The following CEP128 variants were observed in gnomAD, a reference collection of about 807,000 sequenced individuals.
CEP128 encodes centrosomal protein 128.
In CEP128, 132 loss-of-function variants were observed where a neutral mutation model predicts 156.7. The observed-to-expected ratio is 0.84, with a 90% confidence interval of 0.73 to 0.97. CEP128 has a LOEUF of 0.97. Among genes scored for constraint, CEP128 ranks in the 50% least tolerant of loss-of-function variants. The pLI, the probability that CEP128 is intolerant of heterozygous loss-of-function variation, is 0.00. For synonymous variants in CEP128, 469 were observed against 448.9 expected (o/e 1.04, Z -0.57); for missense variants, 1,252 against 1,281.9 (o/e 0.98, Z 0.36).
At chr14:80,834,798 T>C (rs1885988212) in intron 12 of CEP128, among the ~76,000 whole-genome samples, 2 of 152,204 alleles carry the variant, frequency 1.3e-5, no homozygotes, top group African/African-American at 4.8e-5. Flanking sequence ...AAACAAGTGA[T>C]ATTCTGGGTC....
chr14:80,741,373 T>C (rs1471713032), intron 19 of CEP128, among the ~76,000 whole-genome samples: 2 of 152,182 alleles, frequency 1.3e-5, no homozygotes, highest in African/African-American at 4.8e-5. Context: ...CTCTTGTCTT[T>C]GTTACCCCTT....
intron 13 of CEP128, among the ~76,000 whole-genome samples, chr14:80,797,030 T>C (rs377303035): frequency 1.3e-5 from 2 of 152,160 alleles, no homozygotes; most frequent in African/African-American, 4.8e-5. Flanking sequence ...GAACAACTGA[T>C]AGATGTCTAA....
rs749726252 is a variant in CEP128, at chr14:80,838,323, A to T, written c.850-45T>A. 8.0e-6 allele frequency: 11 copies of T among 1,371,418 alleles called. No individual in the cohort carries two copies. The East Asian group carries it at 2.5e-4, about 31-fold the overall frequency. The allele number at this position is 1,371,418 out of a possible 1,614,324, so 85.0% of individuals were successfully genotyped here. On this transcript the variant is annotated intron_variant, in intron 10 of 24. Coordinates refer to ENST00000555265, the MANE Select transcript of CEP128 (RefSeq NM_152446.5). The stretch of plus-strand genomic sequence containing the variant: ...TAAAGAAAAATGCCCAATGGAGCAG[A>T]AGATAACTAAATTATTATGGGCACA...
At chr14:80,662,898 C>T (rs1373002155) in intron 19 of CEP128, among the ~76,000 whole-genome samples, 1 of 152,140 alleles carries the variant, frequency 6.6e-6, no homozygotes, top group Non-Finnish European at 1.5e-5. Flanking sequence ...TACCAAGTAC[C>T]TGAAATGTGG....
intron 19 of CEP128, among the ~76,000 whole-genome samples, chr14:80,737,931 C>T (rs928224698): frequency 2.0e-5 from 3 of 152,036 alleles, no homozygotes; most frequent in African/African-American, 7.2e-5. Flanking sequence ...AAAAAATTAA[C>T]CAGAGTCCAA....
rs141014614 is a variant in CEP128, at chr14:80,901,433, T to C, written c.481-1404A>G. ...CATTAAGCAATTTATTAGTGCCAGC[T>C]ACTGAGAAGTGGCTCAAAATCTGAT... On this transcript the variant is annotated intron_variant, in intron 6 of 24. Transcript: ENST00000555265. Among the ~76,000 whole-genome samples the C allele has an allele frequency of 8.2e-3, 1,248 of 152,320 alleles. 6 individuals are homozygous for C. The highest frequency in any genetic ancestry group is 0.015 in the South Asian group (72 of 4,834).
intron 4 of CEP128, among the ~76,000 whole-genome samples, chr14:80,913,819 A>C (rs1331056090): frequency 6.6e-6 from 1 of 152,186 alleles, no homozygotes; most frequent in African/African-American, 2.4e-5. Context: ...TATTGGGTAC[A>C]TTGTACACTA....
At chr14:80,558,783 A>C (rs1453934960) in intron 21 of CEP128, among the ~76,000 whole-genome samples, 1 of 152,240 alleles carries the variant, frequency 6.6e-6, no homozygotes, top group Non-Finnish European at 1.5e-5. Flanking sequence ...AACTTGAAAA[A>C]TTATTTCTTA....
rs145335882 is a variant in CEP128, at chr14:80,799,867, T to C, written c.1210-6757A>G. On this transcript the variant is annotated intron_variant, in intron 13 of 24. Transcript: ENST00000555265. ...AAGACAATAAGTGCACCGCTGAACATAGACCCTTATCAGTAGTTCTGCTTT... is the reference window on the plus strand; with the variant it reads ...AAGACAATAAGTGCACCGCTGAACACAGACCCTTATCAGTAGTTCTGCTTT... 5.0e-4 allele frequency among the ~76,000 whole-genome samples: 76 copies of C among 152,314 alleles called. No homozygotes were observed. In the East Asian group the frequency reaches 0.012, roughly 24 times the overall value.
At chr14:80,954,122 T>G (rs2139664469) in intron 2 of CEP128, among the ~76,000 whole-genome samples, 1 of 152,118 alleles carries the variant, frequency 6.6e-6, no homozygotes, top group African/African-American at 2.4e-5. Flanking sequence ...ACGAAAAAAT[T>G]AGCCGGGCGT....
intron 24 of CEP128, among the ~76,000 whole-genome samples, chr14:80,498,950 T>C (rs1887615989): frequency 6.6e-6 from 1 of 152,134 alleles, no homozygotes; most frequent in Admixed American, 6.6e-5. Context: ...CCTTGTCAAC[T>C]TGCAAAAACC....
At chr14:80,821,780 A>T (rs1444435922) in intron 13 of CEP128, among the ~76,000 whole-genome samples, 2 of 151,834 alleles carry the variant, frequency 1.3e-5, no homozygotes, top group Non-Finnish European at 2.9e-5. Context: ...GACTCCAGTG[A>T]TTCTCCCGTC....
intron 19 of CEP128, among the ~76,000 whole-genome samples, chr14:80,693,353 T>C (rs1397032250): frequency 6.6e-6 from 1 of 152,208 alleles, no homozygotes; most frequent in Non-Finnish European, 1.5e-5. Flanking sequence ...ATTTGTGCAG[T>C]AGTTCTGAGA....
At chr14:80,589,441 T>C (rs1891953725) in intron 19 of CEP128, among the ~76,000 whole-genome samples, 1 of 152,166 alleles carries the variant, frequency 6.6e-6, no homozygotes, top group South Asian at 2.1e-4. Flanking sequence ...ACATGGTATA[T>C]GGTATGCCAC....
chr14:80,894,507 G>T, intron 8 of CEP128: 1 of 415,970 alleles, frequency 2.4e-6, no homozygotes, highest in Non-Finnish European at 4.7e-6. Context: ...AATGTAAATT[G>T]AAGGTGCCCT....
At chr14:80,788,090 T>G (rs774050466) in intron 14 of CEP128, among the ~76,000 whole-genome samples, 1 of 152,116 alleles carries the variant, frequency 6.6e-6, no homozygotes, top group South Asian at 2.1e-4. Context: ...CTAAGCTCTG[T>G]CGATCTGATT....
chr14:80,751,694 A>C (rs1212199871), intron 18 of CEP128, among the ~76,000 whole-genome samples: 2 of 151,622 alleles, frequency 1.3e-5, no homozygotes, highest in African/African-American at 4.9e-5. Context: ...CAATGGAACA[A>C]TCTAGGCTCA....
At chr14:80,783,715 C>T (rs189975248) in intron 15 of CEP128, among the ~76,000 whole-genome samples, 25 of 152,284 alleles carry the variant, frequency 1.6e-4, no homozygotes, top group Middle Eastern at 3.4e-3. Flanking sequence ...ATTTGACCAT[C>T]TCTGACCTGG....
At chr14:80,699,497 T>A (rs1377086757) in intron 19 of CEP128, among the ~76,000 whole-genome samples, 1 of 152,206 alleles carries the variant, frequency 6.6e-6, no homozygotes, top group Non-Finnish European at 1.5e-5. Flanking sequence ...TCTACTAAAG[T>A]ATTTCAACTC....
Sources: allele counts gnomAD v4.1 joint callset (sites outside exome capture counted in the v4.1 genomes callset), GRCh38; gene constraint gnomAD v4.1.1; transcripts MANE v1.5; gene names NCBI Gene and HGNC (gene_info 2026-07-23, HGNC 2026-07-21).